VEGFD: variants seen among roughly 807,000 people sequenced by gnomAD.
VEGFD encodes c-fos induced growth factor (vascular endothelial growth factor D).
Under a neutral mutation model 28.0 loss-of-function variants are expected in VEGFD, and 26 were observed. The ratio of observed to expected loss-of-function variants is 0.93; its 90% confidence interval spans 0.68 to 1.29. The LOEUF (loss-of-function observed/expected upper bound fraction) is 1.29, where lower values mean the gene tolerates loss of function less well. Ranked by LOEUF, VEGFD falls within the 50% of genes most tolerant of loss-of-function variation. The pLI, the probability that VEGFD is intolerant of heterozygous loss-of-function variation, is 0.00. For missense variants in VEGFD, 294 were observed against 273.4 expected, an observed-to-expected ratio of 1.08 and a Z score of -0.53; for synonymous variants, 93 against 95.5, an observed-to-expected ratio of 0.97 and a Z score of 0.15.
At chrX:15,372,454 T>C (rs1223640840) in intron 1 of VEGFD, among the ~76,000 whole-genome samples, 1 of 110,940 alleles carries the variant, frequency 9.0e-6, no homozygotes, top group Admixed American at 9.6e-5. Context: ...AAAAAAATAA[T>C]AAAGCAGGCA....
At chrX:15,348,200 C>T (rs1427616967) in intron 5 of VEGFD, among the ~76,000 whole-genome samples, 1 of 111,841 alleles carries the variant, frequency 8.9e-6, no homozygotes, top group African/African-American at 3.3e-5. Flanking sequence ...CTTGACTCAC[C>T]TGCTCTGGTA....
intron 4 of VEGFD, among the ~76,000 whole-genome samples, 182 bp from the exon 5 acceptor site, chrX:15,353,350 A>T (rs1188964416): frequency 3.5e-5 from 4 of 112,888 alleles, no homozygotes; most frequent in African/African-American, 1.3e-4. Flanking sequence ...AACTATAGTC[A>T]ATAATAATAA....
chrX:15,372,920 G>A (rs769489506), intron 1 of VEGFD, among the ~76,000 whole-genome samples: 4 of 111,539 alleles, frequency 3.6e-5, no homozygotes, highest in African/African-American at 9.8e-5. Flanking sequence ...CAACCTGTAC[G>A]ACTTTTTCAA....
chrX:15,369,413 A>G (rs1277797433), intron 1 of VEGFD, among the ~76,000 whole-genome samples: 1 of 111,045 alleles, frequency 9.0e-6, no homozygotes, highest in African/African-American at 3.3e-5. Context: ...GAAGTGGGGA[A>G]TCTGGCAAAT....
chrX:15,353,263 G>T (rs979411735), intron 4 of VEGFD, 95 bp from the exon 5 acceptor site: 1 of 391,545 alleles, frequency 2.6e-6, no homozygotes, highest in Non-Finnish European at 4.2e-6. Context: ...TAATAGTTAA[G>T]ATTTTTTAAA....
intron 1 of VEGFD, among the ~76,000 whole-genome samples, chrX:15,378,749 G>A (rs1923495843): frequency 8.9e-6 from 1 of 111,768 alleles, no homozygotes; most frequent in South Asian, 3.7e-4. Flanking sequence ...TTTTTGTATG[G>A]CCTGTTAGCT....
At chrX:15,381,782 C>A (rs1391986352) in intron 1 of VEGFD, among the ~76,000 whole-genome samples, 1 of 78,723 alleles carries the variant, frequency 1.3e-5, no homozygotes, top group African/African-American at 5.4e-5. Context: ...TCCTTTCCTT[C>A]ATATCAGAAA....
At chrX:15,378,546 A>C (rs1257924827) in intron 1 of VEGFD, among the ~76,000 whole-genome samples, 1 of 111,850 alleles carries the variant, frequency 8.9e-6, no homozygotes, top group Non-Finnish European at 1.9e-5. Flanking sequence ...GCAGTAAACA[A>C]GACAATTAAG....
intron 4 of VEGFD, among the ~76,000 whole-genome samples, chrX:15,354,042 C>T (rs1388035403): frequency 9.2e-6 from 1 of 108,833 alleles, no homozygotes; most frequent in Non-Finnish European, 1.9e-5. Flanking sequence ...GATCTCGGCT[C>T]ACTGCAAGCT....
intron 5 of VEGFD, among the ~76,000 whole-genome samples, chrX:15,349,420 T>A (rs1261644199): frequency 8.9e-6 from 1 of 112,158 alleles, no homozygotes; most frequent in Non-Finnish European, 1.9e-5. Flanking sequence ...GAACAGCAAG[T>A]AGCTGAGGGT....
intron 1 of VEGFD, among the ~76,000 whole-genome samples, chrX:15,370,836 T>C (rs1923288992): frequency 9.1e-6 from 1 of 110,110 alleles, no homozygotes; most frequent in African/African-American, 3.3e-5. Context: ...TTATTGGTGG[T>C]ACATGACAAA....
intron 1 of VEGFD, among the ~76,000 whole-genome samples, chrX:15,380,992 A>G (rs759793982): frequency 3.5e-5 from 4 of 112,789 alleles, no homozygotes; most frequent in Non-Finnish European, 7.5e-5. Context: ...ATGCATAGGT[A>G]CTGGGTTAAG....
chrX:15,359,572 T>G, intron 2 of VEGFD, among the ~76,000 whole-genome samples: 1 of 108,882 alleles, frequency 9.2e-6, no homozygotes, highest in Middle Eastern at 4.7e-3. Flanking sequence ...AGGCCCTGGT[T>G]TGTGATGTTC....
chrX:15,369,161 T>C (rs1923247082), intron 1 of VEGFD, among the ~76,000 whole-genome samples: 1 of 111,520 alleles, frequency 9.0e-6, no homozygotes, highest in Non-Finnish European at 1.9e-5. Context: ...TGGAAAGGTA[T>C]AGTGGTGGGG....
Position 15,359,362 on chromosome X carries a change from CTTTTT to C in VEGFD, c.302-1174_302-1170del, listed in dbSNP as rs1171408211. 9.3e-3 allele frequency among the ~76,000 whole-genome samples: 583 copies of C among 62,860 alleles called. 6 individuals carry two copies. Among genetic ancestry groups the C allele is most frequent in the African/African-American group, 0.036 (548 of 15,227 alleles). The allele number at this position is 62,860 out of a possible 115,157, so 54.6% of individuals were successfully genotyped here. Reference sequence around the variant, plus strand: ...TCTCTCCTCCTTCTCCACTTGCAGGCTTTTTTTTTTTTTTTTTTTTTTAGCTTATT... The same window carrying C: ...TCTCTCCTCCTTCTCCACTTGCAGGCTTTTTTTTTTTTTTTTTAGCTTATT... On this transcript the variant is annotated intron_variant, in intron 2 of 6. Coordinates refer to ENST00000297904, the MANE Select transcript of VEGFD (RefSeq NM_004469.5).
At chrX:15,347,959 T>C (rs762691773) in intron 5 of VEGFD, among the ~76,000 whole-genome samples, 1 of 112,605 alleles carries the variant, frequency 8.9e-6, no homozygotes, top group Admixed American at 9.3e-5. Context: ...TGACAAATAT[T>C]TCTTCTAGAA....
intron 1 of VEGFD, among the ~76,000 whole-genome samples, chrX:15,370,327 T>C (rs1025995915): frequency 8.9e-6 from 1 of 112,292 alleles, no homozygotes; most frequent in Non-Finnish European, 1.9e-5. Flanking sequence ...CCAAAAGCTA[T>C]AGAAAAAGTA....
intron 2 of VEGFD, among the ~76,000 whole-genome samples, chrX:15,358,802 G>T (rs1602224661): frequency 8.9e-6 from 1 of 112,027 alleles, no homozygotes. Flanking sequence ...ACTGGAATGA[G>T]CAATCCTTTG....
At chrX:15,370,678 T>C (rs1290439473) in intron 1 of VEGFD, among the ~76,000 whole-genome samples, 1 of 112,371 alleles carries the variant, frequency 8.9e-6, no homozygotes, top group Non-Finnish European at 1.9e-5. Context: ...ATTTTATATG[T>C]AGTACTGCCT....
Sources: gnomAD v4.1 joint callset for allele counts (sites outside exome capture counted in the v4.1 genomes callset) on GRCh38, gnomAD v4.1.1 for gene constraint, MANE v1.5 for transcripts, NCBI Gene and HGNC (gene_info 2026-07-23, HGNC 2026-07-21) for gene names.